The following PRKN variants were observed in gnomAD, a reference collection of about 807,000 sequenced individuals.
PRKN encodes the protein parkin RBR E3 ubiquitin protein ligase.
A neutral mutation model predicts 59.5 loss-of-function variants in PRKN; 56 were observed. The observed-to-expected ratio is 0.94, with a 90% CI of 0.76 to 1.18. PRKN has a LOEUF of 1.18. PRKN is among the 50% of genes most tolerant of loss of function. The probability of loss-of-function intolerance (pLI) is 0.00; values close to 1 mark genes in which losing one functional copy is unlikely to be tolerated. For missense variants in PRKN, 657 were observed against 596.4 expected, an observed-to-expected ratio of 1.10 and a Z score of -1.06; for synonymous variants, 250 against 222.1, an observed-to-expected ratio of 1.13 and a Z score of -1.12.
At chr6:162,668,078 A>G (rs1258616461) in intron 1 of PRKN, among the ~76,000 whole-genome samples, 2 of 152,212 alleles carry the variant, frequency 1.3e-5, no homozygotes, top group Non-Finnish European at 2.9e-5. Context: ...TGTTGATTAA[A>G]ACAATAACAA....
intron 3 of PRKN, among the ~76,000 whole-genome samples, chr6:162,259,770 T>C (rs1583280363): frequency 6.6e-6 from 1 of 152,310 alleles, no homozygotes; most frequent in East Asian, 1.9e-4. Context: ...TTTGAAGCAA[T>C]TTAGTAAACA....
intron 6 of PRKN, among the ~76,000 whole-genome samples, chr6:161,918,249 C>A (rs1267825932): frequency 6.6e-6 from 1 of 152,152 alleles, no homozygotes; most frequent in African/African-American, 2.4e-5. Context: ...CGCAGAACAT[C>A]GTCATTGCTT....
At chr6:161,893,328 C>T (rs1193644132) in intron 6 of PRKN, among the ~76,000 whole-genome samples, 2 of 152,164 alleles carry the variant, frequency 1.3e-5, no homozygotes, top group African/African-American at 4.8e-5. Context: ...CAGTAATTAG[C>T]TTAGCCAGTT....
At chr6:162,384,134 G>A (rs1314614023) in intron 2 of PRKN, among the ~76,000 whole-genome samples, 1 of 152,160 alleles carries the variant, frequency 6.6e-6, no homozygotes, top group Non-Finnish European at 1.5e-5. Flanking sequence ...CACTGGAGTA[G>A]CACTTCCCTC....
rs1365950944 is a variant in PRKN at position 162,568,114 on chromosome 6, C to A, written c.8-124641G>T. ...CTCTCACCATATATAAAAATCAAAG[C>A]AAAATCGATTTAAAAATTAAATAGA... On this transcript the variant is annotated intron_variant, in intron 1 of 11. Transcript: ENST00000366898. Among the ~76,000 whole-genome samples, 3 of 152,202 alleles carry A rather than the reference C, an allele frequency of 2.0e-5. No homozygotes were observed. The South Asian group carries it at 6.2e-4, about 32-fold the overall frequency.
intron 6 of PRKN, among the ~76,000 whole-genome samples, chr6:161,951,388 T>C (rs551956409): frequency 6.1e-5 from 9 of 146,404 alleles, no homozygotes; most frequent in African/African-American, 2.5e-4. Context: ...CTATTAACCT[T>C]CTTCTCTCTT....
At chr6:161,394,792 A>G (rs536251651) in intron 9 of PRKN, among the ~76,000 whole-genome samples, 4 of 152,182 alleles carry the variant, frequency 2.6e-5, no homozygotes, top group Non-Finnish European at 5.9e-5. Context: ...TAAAAGATCC[A>G]TGATAAGGTG....
In PRKN at chr6:161,498,606, A is replaced by G. The variant is rs892000316; in HGVS notation, c.1083+50248T>C. ...CAGAGCCTTTAATTTCTGGCACTCA[A>G]CTCTCCATCCCTCCCACCATCCTGC... is the stretch of plus-strand genomic sequence containing the variant. On this transcript the variant is annotated intron_variant, in intron 9 of 11. Transcript: ENST00000366898. This position sits in a 1 kb window ranked among gnomAD's most constrained non-coding sequence, Gnocchi z 4.2. Among the ~76,000 whole-genome samples, 1 of 151,560 alleles carries G rather than the reference A, an allele frequency of 6.6e-6. No homozygotes were observed. The highest frequency in any genetic ancestry group is 2.4e-5 in the African/African-American group (1 of 41,232).
At chr6:162,512,275 G>T (rs1302453259) in intron 1 of PRKN, among the ~76,000 whole-genome samples, 1 of 152,150 alleles carries the variant, frequency 6.6e-6, no homozygotes, top group Non-Finnish European at 1.5e-5. Flanking sequence ...GGGAGGGGTG[G>T]AAATCAAGCA....
At chr6:161,617,583 C>T (rs571137852) in intron 7 of PRKN, among the ~76,000 whole-genome samples, 1 of 152,308 alleles carries the variant, frequency 6.6e-6, no homozygotes, top group Admixed American at 6.5e-5. Flanking sequence ...CAGGAACTTG[C>T]ACACTGTGTG....
intron 7 of PRKN, among the ~76,000 whole-genome samples, chr6:161,696,822 T>TA (rs1786042170): frequency 6.6e-6 from 1 of 152,340 alleles, no homozygotes; most frequent in East Asian, 1.9e-4. Flanking sequence ...GATTTTATTG[T>TA]AAAAAATGAT....
chr6:162,634,896 C>T (rs1777652522), intron 1 of PRKN, among the ~76,000 whole-genome samples: 3 of 152,010 alleles, frequency 2.0e-5, no homozygotes, highest in South Asian at 4.1e-4. Flanking sequence ...TGCTGGGAGA[C>T]ATATCTTTAT....
chr6:161,715,715 G>A (rs928720796), intron 7 of PRKN, among the ~76,000 whole-genome samples: 6 of 152,130 alleles, frequency 3.9e-5, no homozygotes, highest in African/African-American at 7.2e-5. Flanking sequence ...AATCTCAGCT[G>A]ACAGAGGACG....
intron 7 of PRKN, among the ~76,000 whole-genome samples, chr6:161,642,243 GTAATCAA>G (rs1480793721): frequency 6.6e-6 from 1 of 152,114 alleles, no homozygotes; most frequent in Non-Finnish European, 1.5e-5. Context: ...GTCCATAAAT[GTAATCAA>G]TATGGAATAT....
chr6:162,001,107 A>G (rs1782037873), intron 5 of PRKN, among the ~76,000 whole-genome samples: 1 of 152,016 alleles, frequency 6.6e-6, no homozygotes, highest in South Asian at 2.1e-4. Context: ...CTTCTATTTC[A>G]ATACTGCAAT....
intron 10 of PRKN, among the ~76,000 whole-genome samples, chr6:161,365,901 A>G (rs879832027): frequency 5.9e-5 from 9 of 152,192 alleles, no homozygotes; most frequent in Admixed American, 1.3e-4. Context: ...GGAGGTAGCT[A>G]GGAGGGTTTG....
chr6:162,160,441 G>C (rs543952688), intron 4 of PRKN, among the ~76,000 whole-genome samples: 1 of 152,086 alleles, frequency 6.6e-6, no homozygotes, highest in East Asian at 1.9e-4. Context: ...AATGGCAGTC[G>C]GAGACTTTCC....
intron 1 of PRKN, among the ~76,000 whole-genome samples, chr6:162,580,333 A>G (rs1780739913): frequency 6.6e-6 from 1 of 151,864 alleles, no homozygotes; most frequent in Non-Finnish European, 1.5e-5. Context: ...GGCTACTTGG[A>G]AGGCTGAGGT....
chr6:162,303,613 T>TA (rs67760132), intron 2 of PRKN, among the ~76,000 whole-genome samples: 2 of 151,466 alleles, frequency 1.3e-5, no homozygotes, highest in South Asian at 2.1e-4. Flanking sequence ...TAGGAAGCTG[T>TA]AAAAAAAAAT....
Sources: allele counts gnomAD v4.1 joint callset (sites outside exome capture counted in the v4.1 genomes callset), GRCh38; gene constraint gnomAD v4.1.1; non-coding constraint Gnocchi (gnomAD v3.1); transcripts MANE v1.5; gene names NCBI Gene and HGNC (gene_info 2026-07-23, HGNC 2026-07-21).